Variants in KHK observed in about 807,000 individuals in gnomAD.
The protein encoded by KHK is ketohexokinase, also known as fructokinase.
A neutral mutation model predicts 36.0 loss-of-function variants in KHK; 37 were observed. That is an observed-to-expected ratio of 1.03 (90% CI 0.79 to 1.35). The LOEUF (loss-of-function observed/expected upper bound fraction) is 1.35. Ranked by LOEUF, KHK falls within the 40% of genes most tolerant of loss-of-function variation. The pLI is 0.00. For synonymous variants in KHK, 161 were observed against 162.8 expected, an observed-to-expected ratio of 0.99 and a Z score of 0.08; for missense variants, 395 against 391.9, an observed-to-expected ratio of 1.01 and a Z score of -0.07.
intron 5 of KHK, 92 bp downstream of exon 5, chr2:27,097,741 G>C (rs971923901): frequency 2.6e-6 from 4 of 1,537,818 alleles, no homozygotes; most frequent in Non-Finnish European, 2.7e-6. Flanking sequence ...ACCACAATTG[G>C]AATAGTGGTT....
chr2:27,095,009 G>A, intron 3 of KHK, 75 bp downstream of exon 3: 4 of 1,560,498 alleles, frequency 2.6e-6, no homozygotes, highest in South Asian at 2.2e-5. Flanking sequence ...TCGCCACCAT[G>A]GGCATCCCAA....
chr2:27,087,399 C>T (rs761522278), intron 1 of KHK, 48 bp downstream of exon 1: 19 of 1,434,316 alleles, frequency 1.3e-5, no homozygotes, highest in Non-Finnish European at 1.5e-5. Context: ...TGCTGCAGTC[C>T]AGCATTTGTG....
chr2:27,097,706 G>T (rs1670462405), intron 5 of KHK, 57 bp downstream of exon 5: 12 of 1,609,872 alleles, frequency 7.5e-6, no homozygotes, highest in Middle Eastern at 1.7e-4. Context: ...TTCTTAAAGG[G>T]AGCCAGAATC....
chr2:27,096,098 A>T (rs1468314210), intron 3 of KHK, among the ~76,000 whole-genome samples: 1 of 152,216 alleles, frequency 6.6e-6, no homozygotes, highest in Non-Finnish European at 1.5e-5. Flanking sequence ...GTTAAGTGGA[A>T]GGACTCGGCT....
rs996341128 is a variant in KHK at position 27,097,712 on chromosome 2, G to A, written c.564+63G>A. On this transcript the variant is annotated intron_variant, in intron 5 of 7. Transcript: ENST00000260598. Reference sequence around the variant, plus strand: ...CTAATTTGGTTCTTAAAGGGAGCCAGAATCCTTTTATCCTGCCTACCACAA... The same window carrying A: ...CTAATTTGGTTCTTAAAGGGAGCCAAAATCCTTTTATCCTGCCTACCACAA... 3.1e-5 allele frequency: 49 copies of A among 1,605,548 alleles called. No individual in the cohort carries two copies. In the Admixed American group the frequency reaches 6.5e-4, roughly 21 times the overall value.
chr2:27,100,716 G>T lies in KHK; in HGVS notation c.*966G>T. On this transcript the variant is annotated 3_prime_UTR_variant, in exon 8 of 8. Transcript: ENST00000260598. ...TTCTGCTTGGCTACAGAATTATTGT[G>T]AGGATAAAATCATATATAAAATGCC... 1 of 1,121,618 alleles carries T rather than the reference G, an allele frequency of 8.9e-7. No homozygotes were observed. Among genetic ancestry groups the T allele is most frequent in the Non-Finnish European group, 1.1e-6 (1 of 879,790 alleles). 69.5% of individuals were successfully genotyped at this position (1,121,618 alleles called of 1,614,324 possible). A position where few individuals can be genotyped will look rare whatever the true frequency, so the allele number is the denominator to read the frequency against.
At chr2:27,099,136 G>A (rs1670608607) in intron 5 of KHK, 60 bp from the exon 6 acceptor site, 7 of 1,491,098 alleles carry the variant, frequency 4.7e-6, no homozygotes, top group Non-Finnish European at 6.6e-6. Context: ...GCAACGCTAG[G>A]CTGCTGTTGG....
Position 27,099,517 on chromosome 2 carries a change from G to C in KHK, c.751G>C (p.Val251Leu), listed in dbSNP as rs1558453261. ...GGATGCTTTCCCGCCACCCCGCGTG[G>C]TGGATACACTGGGAGCTGGAGACAC... The part of the protein sequence containing the change: ...HSDAFPPPRV[V>L]DTLGAGDTFN... The change falls in exon 7 of 8, where the codon GTG becomes CTG. Residue 251 changes from valine (V) to leucine (L), a missense_variant. By Grantham distance (32) the Val-to-Leu change is conservative. Coordinates refer to ENST00000260598, the MANE Select transcript of KHK (RefSeq NM_006488.3). 6.2e-7 allele frequency: 1 copy of C among 1,614,192 alleles called. No homozygotes were observed. Among genetic ancestry groups the C allele is most frequent in the Admixed American group, 1.7e-5 (1 of 60,034 alleles).
At position 27,100,291 on chromosome 2, in the gene KHK, G is replaced by A. The variant is rs867699815; in HGVS notation, c.*541G>A. 49 of 487,566 alleles carry A rather than the reference G, an allele frequency of 1.0e-4. No homozygotes were observed. In the Middle Eastern group the frequency reaches 4.6e-3, roughly 46 times the overall value. The allele number at this position is 487,566 out of a possible 1,614,324, so 30.2% of individuals were successfully genotyped here. ...GCTGAGCTGAACTGACAGGCCAGTG[G>A]GGGGCAGGGGTGCGCCTCCTCTGCC... is the stretch of plus-strand genomic sequence containing the variant. On this transcript the variant is annotated 3_prime_UTR_variant, in exon 8 of 8. Transcript: ENST00000260598.
intron 2 of KHK, 105 bp from the exon 3 acceptor site, chr2:27,094,694 TC>T: frequency 1.2e-6 from 2 of 1,613,082 alleles, no homozygotes; most frequent in Non-Finnish European, 1.7e-6. Flanking sequence ...TCTTAGAGGC[TC>T]GTGTGCTCCA....
chr2:27,100,377 A>T lies in KHK; in HGVS notation c.*627A>T, dbSNP rs1427228147. On this transcript the variant is annotated 3_prime_UTR_variant, in exon 8 of 8. Coordinates refer to ENST00000260598, the MANE Select transcript of KHK (RefSeq NM_006488.3). ...TGTCCAGAAATACCTCCTCCCGCTG[A>T]CTGCCCCAGAGCCTGAAAGTCTCAC... 4 of 1,232,250 alleles carry T rather than the reference A, an allele frequency of 3.2e-6. No individual in the cohort carries two copies. The East Asian group carries it at 1.7e-4, about 52-fold the overall frequency. The allele number at this position is 1,232,250 out of a possible 1,614,324, so 76.3% of individuals were successfully genotyped here.
chr2:27,089,916 G>A (rs907348527), intron 1 of KHK, among the ~76,000 whole-genome samples: 5 of 152,150 alleles, frequency 3.3e-5, no homozygotes, highest in African/African-American at 7.2e-5. Flanking sequence ...GCAATGGTGC[G>A]ATCTTGGCTC....
In KHK at chr2:27,100,689, A is replaced by C; in HGVS notation, c.*939A>C. ...ATTTCTTCATCTGTCAAATGGAACC[A>C]ATTCTGCTTGGCTACAGAATTATTG... On this transcript the variant is annotated 3_prime_UTR_variant, in exon 8 of 8. Transcript: ENST00000260598. 1 of 1,096,856 alleles carries C rather than the reference A, an allele frequency of 9.1e-7. No individual in the cohort carries two copies. The highest frequency in any genetic ancestry group is 1.6e-5 in the South Asian group (1 of 62,596). 67.9% of individuals were successfully genotyped at this position (1,096,856 alleles called of 1,614,324 possible). A position where few individuals can be genotyped will look rare whatever the true frequency, so the allele number is the denominator to read the frequency against.
rs770569236 is a variant in KHK, at chr2:27,099,653, C to A, written c.812-12C>A. ...AACACCTGGCTGACCTAGCTACTTGCCCCTCCTCCAGGGAGGAGCGTGCAG... is the reference window on the plus strand; with the variant it reads ...AACACCTGGCTGACCTAGCTACTTGACCCTCCTCCAGGGAGGAGCGTGCAG... On this transcript the variant is annotated splice_polypyrimidine_tract_variant and intron_variant, in intron 7 of 7. Transcript: ENST00000260598. The A allele has an allele frequency of 7.4e-6, 12 of 1,614,014 alleles. No individual in the cohort carries two copies. Among genetic ancestry groups the A allele is most frequent in the Non-Finnish European group, 1.0e-5 (12 of 1,180,026 alleles).
chr2:27,092,407 C>T lies in KHK; in HGVS notation c.168C>T (p.Pro56=). 2 of 1,613,566 alleles carry T rather than the reference C, an allele frequency of 1.2e-6. No homozygotes were observed. Among genetic ancestry groups the T allele is most frequent in the Non-Finnish European group, 1.7e-6 (2 of 1,179,980 alleles). ...SCTVLSLLGA[P]CAFMGSMAPG... is the part of the protein sequence containing the mutation. ...CCGTTCTCTCCCTGCTCGGAGCCCC[C>T]TGTGCCTTCATGGGCTCAATGGCTC... The change falls in exon 2 of 8, where the codon CCC becomes CCT. Residue 56 remains proline, a synonymous_variant. Coordinates refer to ENST00000260598, the MANE Select transcript of KHK (RefSeq NM_006488.3).
chr2:27,093,774 C>T (rs1443513203), intron 2 of KHK, among the ~76,000 whole-genome samples: 1 of 152,212 alleles, frequency 6.6e-6, no homozygotes. Context: ...ACCTCCTTGT[C>T]CTTGCCCCTG....
chr2:27,097,754 T>C (rs923902779), intron 5 of KHK, 105 bp downstream of exon 5: 1 of 1,510,164 alleles, frequency 6.6e-7, no homozygotes, highest in Non-Finnish European at 9.2e-7. Flanking sequence ...TAGTGGTTCC[T>C]GGTTTGGTGG....
At chr2:27,088,386 C>T (rs1418381372) in intron 1 of KHK, among the ~76,000 whole-genome samples, 1 of 152,044 alleles carries the variant, frequency 6.6e-6, no homozygotes, top group African/African-American at 2.4e-5. Context: ...GGATTACAGG[C>T]ATGAGCCACT....
intron 5 of KHK, among the ~76,000 whole-genome samples, chr2:27,098,108 G>A (rs1440686979): frequency 6.6e-6 from 1 of 152,156 alleles, no homozygotes; most frequent in African/African-American, 2.4e-5. Context: ...TTTTGAAAAG[G>A]CTGGATGTAA....
Sources: gnomAD v4.1 joint callset for allele counts (sites outside exome capture counted in the v4.1 genomes callset) on GRCh38, gnomAD v4.1.1 for gene constraint, MANE v1.5 for transcripts, NCBI Gene and HGNC (gene_info 2026-07-23, HGNC 2026-07-21) for gene names.